Variants in NR6A1 observed in about 807,000 individuals in gnomAD.
The protein encoded by NR6A1 is nuclear receptor subfamily 6 group A member 1, also known as retinoic acid receptor-related testis-associated receptor.
In NR6A1, 7 loss-of-function variants were observed where a neutral mutation model predicts 59.1. The ratio of observed to expected loss-of-function variants is 0.12; its 90% CI spans 0.07 to 0.22. The LOEUF (loss-of-function observed/expected upper bound fraction) is 0.22, where lower values mean the gene tolerates loss of function less well. Ranked by LOEUF, NR6A1 falls within the 10% of genes least tolerant of loss-of-function variation. The pLI, the probability that NR6A1 is intolerant of heterozygous loss-of-function variation, is 1.00. For missense variants in NR6A1, 468 were observed against 611.6 expected, an observed-to-expected ratio of 0.77 and a Z score of 2.48; for synonymous variants, 243 against 236.1, an observed-to-expected ratio of 1.03 and a Z score of -0.27.
At chr9:124,677,753 T>G (rs1027465569) in intron 2 of NR6A1, among the ~76,000 whole-genome samples, 1 of 152,164 alleles carries the variant, frequency 6.6e-6, no homozygotes, top group Admixed American at 6.5e-5. Flanking sequence ...TAATCTCAGA[T>G]AGTATTCCTT....
intron 2 of NR6A1, among the ~76,000 whole-genome samples, chr9:124,641,930 A>G (rs1199354294): frequency 6.6e-6 from 1 of 152,208 alleles, no homozygotes; most frequent in Non-Finnish European, 1.5e-5. Flanking sequence ...AGTACAGGTA[A>G]AACATACAGG....
At chr9:124,633,790 A>G (rs1260796876) in intron 2 of NR6A1, among the ~76,000 whole-genome samples, 1 of 152,238 alleles carries the variant, frequency 6.6e-6, no homozygotes, top group African/African-American at 2.4e-5. Flanking sequence ...GATTAAAGAA[A>G]CTGCACGCAT....
intron 2 of NR6A1, among the ~76,000 whole-genome samples, chr9:124,720,171 C>T (rs1191572709): frequency 6.6e-6 from 1 of 152,040 alleles, no homozygotes; most frequent in African/African-American, 2.4e-5. Flanking sequence ...CCTCCATCAG[C>T]CTCCCAAGTA....
chr9:124,574,395 C>T (rs1834531770), intron 2 of NR6A1, among the ~76,000 whole-genome samples: 1 of 152,164 alleles, frequency 6.6e-6, no homozygotes, highest in Non-Finnish European at 1.5e-5. Flanking sequence ...TATAATATTA[C>T]TGAAGGAGCC....
rs766166250 is a variant in NR6A1 at position 124,522,666 on chromosome 9, A to G, written c.*39T>C. On this transcript the variant is annotated 3_prime_UTR_variant, in exon 10 of 10. Coordinates refer to ENST00000487099, the MANE Select transcript of NR6A1 (RefSeq NM_033334.4). ...CTCCAGAGCCTGTCCTGCCCACCCA[A>G]GACGCTGTGGTTGGCCTGAGGAGGG... 9 of 1,521,508 alleles carry G rather than the reference A, an allele frequency of 5.9e-6. No individual in the cohort carries two copies. The highest frequency in any genetic ancestry group is 8.0e-6 in the Non-Finnish European group (9 of 1,122,402). The allele number at this position is 1,521,508 out of a possible 1,614,324, so 94.3% of individuals were successfully genotyped here.
intron 3 of NR6A1, among the ~76,000 whole-genome samples, chr9:124,551,676 A>C (rs1833781448): frequency 6.6e-6 from 1 of 152,348 alleles, no homozygotes; most frequent in East Asian, 1.9e-4. Flanking sequence ...AACACCAGCT[A>C]GATTCATTTG....
At chr9:124,582,665 C>T (rs113810802) in intron 2 of NR6A1, among the ~76,000 whole-genome samples, 16,848 of 151,970 alleles carry the variant, frequency 0.11, 2,464 homozygotes, top group African/African-American at 0.33. Context: ...GGTGGAAGGA[C>T]TGCTTGAGGC....
intron 2 of NR6A1, among the ~76,000 whole-genome samples, chr9:124,729,963 C>A (rs916300105): frequency 2.0e-5 from 3 of 152,112 alleles, no homozygotes; most frequent in African/African-American, 7.2e-5. Context: ...CAGGCATGCG[C>A]CACCACAACC....
intron 3 of NR6A1, among the ~76,000 whole-genome samples, chr9:124,549,811 G>A (rs1833715241): frequency 6.6e-6 from 1 of 152,114 alleles, no homozygotes; most frequent in Non-Finnish European, 1.5e-5. Flanking sequence ...ATCAAAACTA[G>A]GAAATTAACC....
At chr9:124,741,242 C>T (rs185541845) in intron 1 of NR6A1, among the ~76,000 whole-genome samples, 3 of 152,222 alleles carry the variant, frequency 2.0e-5, no homozygotes, top group East Asian at 3.9e-4. Flanking sequence ...ACATAGTTGT[C>T]GTCCCTCTTT....
At chr9:124,550,888 CTTTA>C (rs2131377713) in intron 3 of NR6A1, among the ~76,000 whole-genome samples, 1 of 152,214 alleles carries the variant, frequency 6.6e-6, no homozygotes, top group Non-Finnish European at 1.5e-5. Context: ...GATCACTTCT[CTTTA>C]TTTATTCACT....
chr9:124,535,262 G>C (rs950397139), intron 7 of NR6A1, among the ~76,000 whole-genome samples: 1 of 152,188 alleles, frequency 6.6e-6, no homozygotes. Context: ...TTTCCTGGAT[G>C]CGTTATCTCA....
intron 2 of NR6A1, among the ~76,000 whole-genome samples, chr9:124,612,484 A>G (rs1185376860): frequency 1.3e-5 from 2 of 152,168 alleles, no homozygotes; most frequent in Non-Finnish European, 2.9e-5. Flanking sequence ...CAGATACCCC[A>G]GCATCTCTTC....
intron 2 of NR6A1, among the ~76,000 whole-genome samples, chr9:124,667,104 C>T (rs1484717812): frequency 2.7e-5 from 4 of 150,722 alleles, no homozygotes; most frequent in East Asian, 3.9e-4. Flanking sequence ...GGCGCAATGT[C>T]GGCTCACTGC....
chr9:124,680,369 A>C (rs1381236889), intron 2 of NR6A1, among the ~76,000 whole-genome samples: 1 of 152,204 alleles, frequency 6.6e-6, no homozygotes, highest in Non-Finnish European at 1.5e-5. Context: ...AATATTGTCC[A>C]ATCAATATCT....
At chr9:124,572,460 T>C (rs191151475) in intron 2 of NR6A1, among the ~76,000 whole-genome samples, 4 of 152,300 alleles carry the variant, frequency 2.6e-5, no homozygotes, top group East Asian at 1.9e-4. Flanking sequence ...CTTTCCAATA[T>C]GTTTGATGAG....
rs953674043 is a variant in NR6A1 at position 124,728,629 on chromosome 9, C to T, written c.142+4679G>A. ...TAGCCTGGGTGACAGAGCGAGACTC[C>T]GCCTCAAAAAATAAATAAATAAATA... On this transcript the variant is annotated intron_variant, in intron 2 of 9. Transcript: ENST00000487099. Among the ~76,000 whole-genome samples, 13 of 119,832 alleles carry T rather than the reference C, an allele frequency of 1.1e-4. 1 individual carries two copies. Among genetic ancestry groups the T allele is most frequent in the South Asian group, 1.1e-3 (4 of 3,786 alleles). The allele number at this position is 119,832 out of a possible 152,430, so 78.6% of individuals were successfully genotyped here.
In NR6A1 at chr9:124,648,059, T is replaced by C. The variant is rs566636956; in HGVS notation, c.142+85249A>G. 5.1e-4 allele frequency among the ~76,000 whole-genome samples: 78 copies of C among 152,012 alleles called. 1 individual carries two copies. The South Asian group carries it at 0.016, about 30-fold the overall frequency. On this transcript the variant is annotated intron_variant, in intron 2 of 9. Transcript: ENST00000487099. ...ACAGATGCAAAAATCCTCAATAGAATACTAGGCAAACTGAATTCAGCAACA... is the reference window on the plus strand; with the variant it reads ...ACAGATGCAAAAATCCTCAATAGAACACTAGGCAAACTGAATTCAGCAACA...
At chr9:124,743,794 G>A (rs937543690) in intron 1 of NR6A1, among the ~76,000 whole-genome samples, 1 of 152,232 alleles carries the variant, frequency 6.6e-6, no homozygotes, top group African/African-American at 2.4e-5. Flanking sequence ...GGTCATTAGT[G>A]TTTCTATGGA....
Sources: gnomAD v4.1 joint callset for allele counts (sites outside exome capture counted in the v4.1 genomes callset) on GRCh38, gnomAD v4.1.1 for gene constraint, MANE v1.5 for transcripts, NCBI Gene and HGNC (gene_info 2026-07-23, HGNC 2026-07-21) for gene names.